SPAM1: variants seen among roughly 807,000 people sequenced by gnomAD.
The protein encoded by SPAM1 is hyaluronidase PH-20.
In SPAM1, 22 loss-of-function variants were observed where a neutral mutation model predicts 29.6. The ratio of observed to expected loss-of-function variants is 0.74; its 90% CI spans 0.53 to 1.06. The LOEUF (loss-of-function observed/expected upper bound fraction) is 1.06. SPAM1 is among the 50% of genes least tolerant of loss of function. The pLI is 0.00. For synonymous variants in SPAM1, 194 were observed against 204.6 expected (o/e 0.95, Z 0.44); for missense variants, 534 against 604.0 (o/e 0.88, Z 1.21).
chr7:123,964,798 G>C (rs1792402095), downstream of SPAM1, among the ~76,000 whole-genome samples: 1 of 151,978 alleles, frequency 6.6e-6, no homozygotes, highest in Admixed American at 6.6e-5. Context: ...TGTTAAAACT[G>C]TAATATGTAT....
chr7:123,947,563 G>T, intron 1 of SPAM1: 1 of 143,088 alleles, frequency 7.0e-6, no homozygotes, highest in Non-Finnish European at 1.5e-5. Flanking sequence ...GATTGAATTT[G>T]CTGAGATTAA....
intron 1 of SPAM1, among the ~76,000 whole-genome samples, chr7:123,927,607 G>A (rs1463766556): frequency 2.0e-5 from 3 of 152,094 alleles, no homozygotes; most frequent in Non-Finnish European, 2.9e-5. Context: ...GGTAACAGTC[G>A]TTTGCATCCA....
rs960165653 is a variant in SPAM1 at position 123,930,058 on chromosome 7, G to C, written c.-319+4706G>C. ...GATAGTTTGGAATTGAGAGTAAAGG[G>C]GAAAGGGACATGTACAGTAGATGTG... On this transcript the variant is annotated intron_variant, in intron 1 of 4. Transcript: ENST00000682466. 3.0e-4 allele frequency among the ~76,000 whole-genome samples: 45 copies of C among 151,964 alleles called. 1 individual carries two copies. The highest frequency in any genetic ancestry group is 6.6e-5 in the Admixed American group (1 of 15,246).
At chr7:123,960,411 C>G (rs1235505895), downstream of SPAM1, among the ~76,000 whole-genome samples, 1 of 151,906 alleles carries the variant, frequency 6.6e-6, no homozygotes, top group South Asian at 2.1e-4. Flanking sequence ...TATTTCTCCT[C>G]TGCTCAGAAT....
intron 1 of SPAM1, among the ~76,000 whole-genome samples, chr7:123,933,020 T>G (rs1452097172): frequency 1.3e-5 from 2 of 152,072 alleles, no homozygotes; most frequent in Non-Finnish European, 2.9e-5. Flanking sequence ...AACAGGAGAA[T>G]AGCAAACAAT....
chr7:123,959,807 T>A lies in SPAM1; in HGVS notation c.1368T>A (p.Asp456Glu). 1 of 1,613,280 alleles carries A rather than the reference T, an allele frequency of 6.2e-7. No homozygotes were observed. Among genetic ancestry groups the A allele is most frequent in the Non-Finnish European group, 8.5e-7 (1 of 1,179,542 alleles). ...ATGTAAAAGACACTGATGCTGTTGA[T>A]GTGTGTATTGCTGATGGTGTCTGTA... ...KADVKDTDAV[D>E]VCIADGVCID... Residue 456 changes from aspartate (D) to glutamate (E), a missense_variant, in exon 5 of 5, where the codon GAT (aspartate) becomes GAA (glutamate). Asp to Glu is a conservative substitution (Grantham distance 45, BLOSUM62 2). Coordinates refer to ENST00000682466, the MANE Select transcript of SPAM1 (RefSeq NM_153189.3).
chr7:123,945,449 T>C (rs1808547975), intron 1 of SPAM1, among the ~76,000 whole-genome samples: 1 of 152,190 alleles, frequency 6.6e-6, no homozygotes, highest in Non-Finnish European at 1.5e-5. Flanking sequence ...TGTTAGTTTT[T>C]GTCCACCATT....
chr7:123,946,175 C>T (rs1808570593), intron 1 of SPAM1, among the ~76,000 whole-genome samples: 1 of 152,180 alleles, frequency 6.6e-6, no homozygotes. Flanking sequence ...GAGGATTTAC[C>T]TGCCTTCCAT....
intron 1 of SPAM1, among the ~76,000 whole-genome samples, chr7:123,929,895 A>ATTTTTTT (rs71163712): frequency 2.3e-4 from 28 of 119,812 alleles, no homozygotes; most frequent in African/African-American, 7.7e-4. Context: ...GTGTTTAGGG[A>ATTTTTTT]TTTTTTTTTT....
At position 123,931,041 on chromosome 7, in the gene SPAM1, C is replaced by T. The variant is rs1009279104; in HGVS notation, c.-319+5689C>T. ...ACTACTCTCAACTGCGTCTGCCATA[C>T]TGACCCCTCATTAAAACAAACTCCC... is the stretch of plus-strand genomic sequence containing the variant. On this transcript the variant is annotated intron_variant, in intron 1 of 4. Coordinates refer to ENST00000682466, the MANE Select transcript of SPAM1 (RefSeq NM_153189.3). 2.0e-5 allele frequency among the ~76,000 whole-genome samples: 3 copies of T among 151,948 alleles called. No individual in the cohort carries two copies. In the Admixed American group the frequency reaches 2.0e-4, roughly 10 times the overall value.
At chr7:123,927,288 A>G (rs1807917579) in intron 1 of SPAM1, among the ~76,000 whole-genome samples, 1 of 152,142 alleles carries the variant, frequency 6.6e-6, no homozygotes, top group Admixed American at 6.5e-5. Context: ...TTTCATGGCA[A>G]TATAGGTGAA....
At chr7:123,964,313 A>T (rs1055559573), downstream of SPAM1, among the ~76,000 whole-genome samples, 1 of 151,874 alleles carries the variant, frequency 6.6e-6, no homozygotes, top group African/African-American at 2.4e-5. Context: ...AATACAGGAT[A>T]TATTTAATAA....
chr7:123,951,518 T>G (rs890900375), intron 2 of SPAM1, among the ~76,000 whole-genome samples: 6 of 152,154 alleles, frequency 3.9e-5, no homozygotes. Flanking sequence ...GAAAAATATT[T>G]CATTGAGTAA....
intron 1 of SPAM1, chr7:123,932,060 C>T (rs1461900277): frequency 6.6e-6 from 1 of 152,202 alleles, no homozygotes; most frequent in Non-Finnish European, 1.5e-5. Flanking sequence ...AAACAATGAC[C>T]ATCTCTGGGA....
intron 1 of SPAM1, among the ~76,000 whole-genome samples, chr7:123,946,588 T>A (rs990179012): frequency 3.3e-5 from 5 of 152,304 alleles, no homozygotes; most frequent in Admixed American, 3.3e-4. Context: ...CTTGCTTTTA[T>A]GCATTTGAGA....
intron 4 of SPAM1, among the ~76,000 whole-genome samples, chr7:123,958,618 A>G (rs1247653231): frequency 6.6e-6 from 1 of 151,954 alleles, no homozygotes; most frequent in African/African-American, 2.4e-5. Context: ...GCTTGAGCCC[A>G]AGAGTTCAAG....
intron 5 of SPAM1, among the ~76,000 whole-genome samples, chr7:123,966,434 G>A (rs1792425440): frequency 6.6e-6 from 1 of 151,918 alleles, no homozygotes; most frequent in Admixed American, 6.6e-5. Flanking sequence ...ATATCCAAAG[G>A]AATATAAATC....
At chr7:123,948,130 G>GA (rs1033802437) in intron 1 of SPAM1, among the ~76,000 whole-genome samples, 72 of 152,050 alleles carry the variant, frequency 4.7e-4, no homozygotes, top group African/African-American at 1.6e-3. Context: ...AAGTTTCTTA[G>GA]AAAAAAAATC....
rs1243466828 is a variant in SPAM1, at chr7:123,954,267, G to A, written c.697G>A (p.Gly233Ser). The change falls in exon 3 of 5, where the codon GGT becomes AGT. Residue 233 changes from glycine to serine, a missense_variant. Gly to Ser is a moderately conservative substitution (Grantham distance 56). Coordinates refer to ENST00000682466, the MANE Select transcript of SPAM1 (RefSeq NM_153189.3). ...TTACAACCATCACTATAAGAAACCC[G>A]GTTACAATGGAAGTTGCTTCAATGT... ...DCYNHHYKKP[G>S]YNGSCFNVEI... The A allele has an allele frequency of 1.1e-5, 17 of 1,612,432 alleles. No individual in the cohort carries two copies. Among genetic ancestry groups the A allele is most frequent in the Non-Finnish European group, 1.4e-5 (16 of 1,179,430 alleles).
Sources: allele counts gnomAD v4.1 joint callset (sites outside exome capture counted in the v4.1 genomes callset), GRCh38; gene constraint gnomAD v4.1.1; transcripts MANE v1.5; gene names NCBI Gene and HGNC (gene_info 2026-07-23, HGNC 2026-07-21).